TESK2: variants seen among roughly 807,000 people sequenced by gnomAD.
The protein encoded by TESK2 is testis associated actin remodelling kinase 2, also known as dual specificity testis-specific protein kinase 2.
A neutral mutation model predicts 57.1 loss-of-function variants in TESK2; 39 were observed. The ratio of observed to expected loss-of-function variants is 0.68; its 90% CI spans 0.53 to 0.89. The LOEUF (loss-of-function observed/expected upper bound fraction) is 0.89. Ranked by LOEUF, TESK2 falls within the 40% of genes least tolerant of loss-of-function variation. The probability of loss-of-function intolerance (pLI) is 0.00; values close to 1 mark genes in which losing one functional copy is unlikely to be tolerated. For synonymous variants in TESK2, 249 were observed against 267.9 expected (o/e 0.93, Z 0.69); for missense variants, 646 against 732.1 (o/e 0.88, Z 1.36).
At chr1:45,411,870 A>C (rs923404666) in intron 3 of TESK2, among the ~76,000 whole-genome samples, 1 of 152,212 alleles carries the variant, frequency 6.6e-6, no homozygotes, top group Admixed American at 6.5e-5. Flanking sequence ...AAGCCATCAT[A>C]GCTCACTACT....
At chr1:45,453,891 A>G (rs974649592) in intron 2 of TESK2, among the ~76,000 whole-genome samples, 2 of 152,190 alleles carry the variant, frequency 1.3e-5, no homozygotes, top group African/African-American at 4.8e-5. Flanking sequence ...AAGATATACA[A>G]AAAAGGTCAA....
At chr1:45,413,441 T>C (rs764362122) in intron 3 of TESK2, among the ~76,000 whole-genome samples, 69 of 152,086 alleles carry the variant, frequency 4.5e-4, no homozygotes, top group Non-Finnish European at 6.2e-4. Context: ...GGGCACACAA[T>C]AGCTCTGGCA....
chr1:45,441,745 G>A (rs1172122072), intron 2 of TESK2, among the ~76,000 whole-genome samples: 2 of 150,396 alleles, frequency 1.3e-5, no homozygotes, highest in Admixed American at 6.7e-5. Context: ...CAGCCTCCGA[G>A]TAGTGAGATT....
At chr1:45,465,167 C>T (rs1364593227) in intron 1 of TESK2, among the ~76,000 whole-genome samples, 1 of 151,670 alleles carries the variant, frequency 6.6e-6, no homozygotes. Context: ...ACACAGGAGG[C>T]GAAGGTTGCA....
intron 4 of TESK2, among the ~76,000 whole-genome samples, chr1:45,359,808 G>A (rs1647600125): frequency 6.6e-6 from 1 of 152,080 alleles, no homozygotes. Context: ...AGGTTGCGGT[G>A]GGCAGAGATC....
intron 3 of TESK2, among the ~76,000 whole-genome samples, chr1:45,402,155 C>T (rs1465251418): frequency 2.7e-5 from 4 of 150,600 alleles, no homozygotes; most frequent in Admixed American, 2.6e-4. Flanking sequence ...TTTGGGAGAT[C>T]AAGGTGGGAG....
intron 2 of TESK2, among the ~76,000 whole-genome samples, chr1:45,440,963 C>T (rs892113193): frequency 2.0e-5 from 3 of 152,136 alleles, no homozygotes; most frequent in Non-Finnish European, 2.9e-5. Flanking sequence ...AAGTTAGTAG[C>T]AGATCCTTCC....
intron 4 of TESK2, among the ~76,000 whole-genome samples, chr1:45,382,136 G>T (rs897130137): frequency 2.6e-5 from 4 of 152,044 alleles, no homozygotes; most frequent in African/African-American, 7.2e-5. Context: ...CCTCCTAAAA[G>T]TGTTGGGATT....
intron 1 of TESK2, among the ~76,000 whole-genome samples, chr1:45,479,209 C>T (rs1653114876): frequency 6.6e-6 from 1 of 152,030 alleles, no homozygotes; most frequent in African/African-American, 2.4e-5. Context: ...AAAGTAAATA[C>T]TATGTAATGT....
chr1:45,384,592 A>ATTTTTT (rs1450118997), intron 4 of TESK2, among the ~76,000 whole-genome samples: 2 of 70,560 alleles, frequency 2.8e-5, no homozygotes, highest in African/African-American at 6.2e-5. Context: ...GCTAATTATT[A>ATTTTTT]ATTTTTTTTT....
intron 1 of TESK2, among the ~76,000 whole-genome samples, chr1:45,473,523 T>A (rs1284358739): frequency 1.3e-5 from 2 of 152,122 alleles, no homozygotes; most frequent in African/African-American, 4.8e-5. Context: ...GTCCACTGGA[T>A]TGGACACTAC....
intron 3 of TESK2, among the ~76,000 whole-genome samples, chr1:45,397,117 C>A (rs998202933): frequency 6.6e-6 from 1 of 152,186 alleles, no homozygotes; most frequent in Non-Finnish European, 1.5e-5. Flanking sequence ...CCACACCCAG[C>A]CTGGTATCAG....
At chr1:45,475,348 A>G (rs953823026) in intron 1 of TESK2, among the ~76,000 whole-genome samples, 6 of 151,818 alleles carry the variant, frequency 4.0e-5, no homozygotes, top group East Asian at 2.0e-4. Context: ...CTGGGACTAC[A>G]GGCATGTGCC....
At chr1:45,386,362 A>G (rs943980885) in intron 3 of TESK2, among the ~76,000 whole-genome samples, 3 of 149,408 alleles carry the variant, frequency 2.0e-5, no homozygotes, top group African/African-American at 7.4e-5. Context: ...AAAAAAAAAA[A>G]AAAGAGACTG....
At chr1:45,355,768 G>C (rs1465256684) in intron 4 of TESK2, among the ~76,000 whole-genome samples, 1 of 152,224 alleles carries the variant, frequency 6.6e-6, no homozygotes, top group African/African-American at 2.4e-5. Context: ...GAAATGCAGA[G>C]AGGAAATAAG....
chr1:45,346,599 A>C, intron 9 of TESK2, 94 bp downstream of exon 9: 1 of 1,050,526 alleles, frequency 9.5e-7, no homozygotes, highest in South Asian at 1.4e-5. Flanking sequence ...GAGGTCCCTC[A>C]TGAAGCTAAT....
intron 2 of TESK2, 43 bp from the exon 3 acceptor site, chr1:45,421,889 A>G: frequency 1.2e-6 from 2 of 1,606,438 alleles, no homozygotes; most frequent in Non-Finnish European, 1.7e-6. Flanking sequence ...CAAGGGCAAT[A>G]GTTATATGTG....
At chr1:45,425,203 G>C (rs1357420284) in intron 2 of TESK2, among the ~76,000 whole-genome samples, 1 of 152,108 alleles carries the variant, frequency 6.6e-6, no homozygotes, top group Non-Finnish European at 1.5e-5. Flanking sequence ...GATAAATTCA[G>C]AAAAGTTACA....
chr1:45,490,437 T>C (rs1653671911), intron 1 of TESK2, among the ~76,000 whole-genome samples: 2 of 151,892 alleles, frequency 1.3e-5, no homozygotes, highest in Admixed American at 1.3e-4. Flanking sequence ...GGTGAACGTT[T>C]TCGAGGGAAG....
Sources: allele counts gnomAD v4.1 joint callset (sites outside exome capture counted in the v4.1 genomes callset), GRCh38; gene constraint gnomAD v4.1.1; transcripts MANE v1.5; gene names NCBI Gene and HGNC (gene_info 2026-07-23, HGNC 2026-07-21).